KHDRBS2: variants seen among roughly 807,000 people sequenced by gnomAD.
The protein encoded by KHDRBS2 is KH RNA binding domain containing, signal transduction associated 2.
In KHDRBS2, 26 loss-of-function variants were observed where a neutral mutation model predicts 44.3. The ratio of observed to expected loss-of-function variants is 0.59; its 90% CI spans 0.43 to 0.81. KHDRBS2 has a LOEUF of 0.81. Ranked by LOEUF, KHDRBS2 falls within the 40% of genes least tolerant of loss-of-function variation. The pLI is 0.00. For missense variants in KHDRBS2, 476 were observed against 433.1 expected (o/e 1.10, Z -0.88); for synonymous variants, 194 against 151.1 (o/e 1.28, Z -2.08).
chr6:61,611,390 A>G, the KHDRBS2 span, among the ~76,000 whole-genome samples: 2 of 152,338 alleles, frequency 1.3e-5, no homozygotes, highest in Non-Finnish European at 2.9e-5. Flanking sequence ...TTTGCAAAGA[A>G]AAGGCTAAAG....
intron 1 of KHDRBS2, among the ~76,000 whole-genome samples, chr6:62,188,931 T>C (rs1297546304): frequency 2.0e-5 from 3 of 152,144 alleles, no homozygotes. Flanking sequence ...CTGACCAACA[T>C]GGTGAAACCC....
At chr6:61,879,371 A>G (rs1229847793) in intron 6 of KHDRBS2, among the ~76,000 whole-genome samples, 1 of 151,872 alleles carries the variant, frequency 6.6e-6, no homozygotes. Context: ...CAGCTATCTT[A>G]CCTGTTTCCT....
chr6:61,871,611 T>A (rs982057607), intron 6 of KHDRBS2, among the ~76,000 whole-genome samples: 1 of 152,142 alleles, frequency 6.6e-6, no homozygotes, highest in Non-Finnish European at 1.5e-5. Flanking sequence ...GAGAGAAAGT[T>A]TGAGCTACCC....
intron 6 of KHDRBS2, among the ~76,000 whole-genome samples, chr6:61,833,074 T>C (rs1354756966): frequency 2.6e-5 from 4 of 152,220 alleles, no homozygotes; most frequent in African/African-American, 9.6e-5. Context: ...TTTAGTTTTG[T>C]TACAACTTTT....
At chr6:62,167,807 C>T (rs1202687601) in intron 2 of KHDRBS2, among the ~76,000 whole-genome samples, 1 of 152,118 alleles carries the variant, frequency 6.6e-6, no homozygotes, top group Non-Finnish European at 1.5e-5. Context: ...AGACATGTTT[C>T]CAAGATTATA....
At chr6:62,250,576 C>T (rs942159971) in intron 1 of KHDRBS2, among the ~76,000 whole-genome samples, 2 of 151,854 alleles carry the variant, frequency 1.3e-5, no homozygotes, top group Non-Finnish European at 2.9e-5. Context: ...AGGGAGAGCC[C>T]TTGCTTTTAG....
chr6:61,962,389 G>A (rs1371758233), intron 4 of KHDRBS2, among the ~76,000 whole-genome samples: 3 of 152,040 alleles, frequency 2.0e-5, no homozygotes, highest in Non-Finnish European at 4.4e-5. Context: ...GAACAAAATA[G>A]TATGTGTGGC....
At chr6:61,598,281 AT>A in the KHDRBS2 span, among the ~76,000 whole-genome samples, 1 of 151,710 alleles carries the variant, frequency 6.6e-6, no homozygotes, top group African/African-American at 2.4e-5. Context: ...ACCTAAACAA[AT>A]GACTCAAAGC....
chr6:61,974,885 C>T (rs1772204353), intron 4 of KHDRBS2, among the ~76,000 whole-genome samples: 2 of 151,394 alleles, frequency 1.3e-5, no homozygotes, highest in African/African-American at 4.9e-5. Flanking sequence ...GAGCCGAGAT[C>T]GTTCCATTGC....
intron 4 of KHDRBS2, among the ~76,000 whole-genome samples, chr6:61,905,280 A>T (rs1303460166): frequency 2.0e-5 from 3 of 152,164 alleles, no homozygotes; most frequent in Non-Finnish European, 4.4e-5. Flanking sequence ...TAGTGCATTC[A>T]TGTGTGTAGT....
At chr6:61,818,258 T>A in intron 6 of KHDRBS2, among the ~76,000 whole-genome samples, 1 of 110,202 alleles carries the variant, frequency 9.1e-6, no homozygotes. Flanking sequence ...AGAGAAAACC[T>A]CTGTAAGTAA....
intron 1 of KHDRBS2, among the ~76,000 whole-genome samples, chr6:62,206,048 G>T (rs1827909131): frequency 6.6e-6 from 1 of 152,096 alleles, no homozygotes; most frequent in Non-Finnish European, 1.5e-5. Flanking sequence ...GCTTAACAGT[G>T]AATAATAATA....
At chr6:62,082,965 C>A (rs767157773) in intron 2 of KHDRBS2, among the ~76,000 whole-genome samples, 1 of 152,096 alleles carries the variant, frequency 6.6e-6, no homozygotes. Flanking sequence ...CCGTCATTTA[C>A]AATCAAAATG....
At chr6:61,659,415 A>C in the KHDRBS2 span, among the ~76,000 whole-genome samples, 1 of 151,754 alleles carries the variant, frequency 6.6e-6, no homozygotes, top group Non-Finnish European at 1.5e-5. Context: ...TTTGTAACCT[A>C]TGAACCAATT....
At chr6:61,685,571 A>G (rs527326981) in intron 8 of KHDRBS2, among the ~76,000 whole-genome samples, 8 of 151,772 alleles carry the variant, frequency 5.3e-5, no homozygotes, top group Non-Finnish European at 8.8e-5. Context: ...TTAGGCTGCT[A>G]TTTTACCCAG....
the KHDRBS2 span, among the ~76,000 whole-genome samples, chr6:61,591,737 T>A: frequency 6.6e-6 from 1 of 152,152 alleles, no homozygotes; most frequent in Non-Finnish European, 1.5e-5. Flanking sequence ...TAAAACAATT[T>A]AAGTCACATC....
intron 3 of KHDRBS2, among the ~76,000 whole-genome samples, chr6:62,004,928 A>G (rs189567346): frequency 3.3e-4 from 51 of 152,338 alleles, no homozygotes; most frequent in South Asian, 6.2e-4. Flanking sequence ...GATTTTCTCA[A>G]CAGATGCAGA....
At chr6:61,650,512 G>A in the KHDRBS2 span, among the ~76,000 whole-genome samples, 4 of 151,730 alleles carry the variant, frequency 2.6e-5, no homozygotes, top group South Asian at 2.1e-4. Context: ...AAAAATAAGT[G>A]AATAAGCACA....
At chr6:61,595,024 A>G in the KHDRBS2 span, among the ~76,000 whole-genome samples, 18 of 152,256 alleles carry the variant, frequency 1.2e-4, no homozygotes, top group Admixed American at 7.8e-4. Flanking sequence ...AGCATCAGAC[A>G]TACAGTCTCT....
Sources: allele counts gnomAD v4.1 joint callset (sites outside exome capture counted in the v4.1 genomes callset), GRCh38; gene constraint gnomAD v4.1.1; transcripts MANE v1.5; gene names NCBI Gene and HGNC (gene_info 2026-07-23, HGNC 2026-07-21).